The following CAMK2D variants were observed in gnomAD, a reference collection of about 807,000 sequenced individuals.
CAMK2D encodes the protein calcium/calmodulin dependent protein kinase II delta.
A neutral mutation model predicts 84.0 loss-of-function variants in CAMK2D; 37 were observed. That is an observed-to-expected ratio of 0.44 (90% confidence interval 0.34 to 0.58). The LOEUF (loss-of-function observed/expected upper bound fraction) is 0.58. Among genes scored for constraint, CAMK2D ranks in the 20% least tolerant of loss-of-function variants. CAMK2D has a pLI of 0.02. For missense variants in CAMK2D, 448 were observed against 652.5 expected (o/e 0.69, Z 3.41); for synonymous variants, 202 against 212.5 (o/e 0.95, Z 0.43).
intron 4 of CAMK2D, among the ~76,000 whole-genome samples, chr4:113,568,734 T>C (rs904046019): frequency 3.3e-5 from 5 of 152,204 alleles, no homozygotes; most frequent in Admixed American, 3.3e-4. Flanking sequence ...TGGCCAACAC[T>C]TGTTACTTTC....
intron 16 of CAMK2D, among the ~76,000 whole-genome samples, chr4:113,493,156 T>C (rs1313986454): frequency 1.3e-5 from 2 of 150,476 alleles, no homozygotes; most frequent in Non-Finnish European, 3.0e-5. Flanking sequence ...AAAGTGAATA[T>C]TGTTATGTGT....
At chr4:113,719,515 A>G (rs775358182) in intron 2 of CAMK2D, among the ~76,000 whole-genome samples, 25 of 152,242 alleles carry the variant, frequency 1.6e-4, no homozygotes, top group Non-Finnish European at 3.4e-4. Flanking sequence ...TTAAAAGCCA[A>G]TTAGATCTTT....
intron 2 of CAMK2D, among the ~76,000 whole-genome samples, chr4:113,714,269 C>T (rs570387059): frequency 6.6e-6 from 1 of 152,152 alleles, no homozygotes; most frequent in South Asian, 2.1e-4. Flanking sequence ...AGTATGTTTC[C>T]TTTTCCCTGT....
At chr4:113,716,353 C>T (rs890725932) in intron 2 of CAMK2D, among the ~76,000 whole-genome samples, 3 of 152,006 alleles carry the variant, frequency 2.0e-5, no homozygotes, top group Non-Finnish European at 2.9e-5. Flanking sequence ...GAATCTTGAA[C>T]AAATCACAAG....
chr4:113,578,628 T>C (rs2098794660), intron 4 of CAMK2D, among the ~76,000 whole-genome samples: 1 of 152,204 alleles, frequency 6.6e-6, no homozygotes, highest in Admixed American at 6.6e-5. Context: ...ATATGATATC[T>C]TAAACCAGAA....
At chr4:113,522,834 TCTGA>T (rs1308451615) in intron 8 of CAMK2D, among the ~76,000 whole-genome samples, 2 of 152,196 alleles carry the variant, frequency 1.3e-5, no homozygotes, top group African/African-American at 2.4e-5. Context: ...TGTCCGCATG[TCTGA>T]CTAAGACAGC....
intron 3 of CAMK2D, among the ~76,000 whole-genome samples, chr4:113,645,306 A>G (rs917561266): frequency 2.6e-5 from 4 of 152,160 alleles, no homozygotes; most frequent in Admixed American, 2.6e-4. Context: ...ATGAGCCACC[A>G]TGCCCGGCCT....
chr4:113,505,121 T>C, intron 13 of CAMK2D, 86 bp from the exon 14 acceptor site: 2 of 649,352 alleles, frequency 3.1e-6, no homozygotes, highest in Admixed American at 3.2e-5. Context: ...TACATAGAGA[T>C]GTAGACATGA....
intron 8 of CAMK2D, among the ~76,000 whole-genome samples, chr4:113,523,854 G>GTT (rs2098394646): frequency 6.6e-6 from 1 of 151,500 alleles, no homozygotes; most frequent in African/African-American, 2.4e-5. Flanking sequence ...TTTTTTTGTT[G>GTT]TTTTTTTGTT....
chr4:113,638,039 A>G (rs1265429617), intron 3 of CAMK2D, among the ~76,000 whole-genome samples: 1 of 152,144 alleles, frequency 6.6e-6, no homozygotes, highest in Non-Finnish European at 1.5e-5. Context: ...CTCATCTCTT[A>G]GTGCCTTCCA....
chr4:113,577,880 G>A (rs998273869), intron 4 of CAMK2D, among the ~76,000 whole-genome samples: 9 of 152,034 alleles, frequency 5.9e-5, no homozygotes, highest in African/African-American at 2.2e-4. Flanking sequence ...TGTCATGAAA[G>A]AGTGCACCTG....
At chr4:113,690,548 TTTATTA>T (rs1172538372) in intron 2 of CAMK2D, among the ~76,000 whole-genome samples, 2 of 152,136 alleles carry the variant, frequency 1.3e-5, no homozygotes, top group African/African-American at 2.4e-5. Context: ...AATTATACAT[TTTATTA>T]TTATTAAGAG....
chr4:113,587,451 G>A (rs2098839146), intron 4 of CAMK2D, among the ~76,000 whole-genome samples: 1 of 152,166 alleles, frequency 6.6e-6, no homozygotes, highest in African/African-American at 2.4e-5. Context: ...TTTTTCAGCA[G>A]AGACAACATC....
At chr4:113,576,473 A>G (rs188210483) in intron 4 of CAMK2D, among the ~76,000 whole-genome samples, 211 of 152,282 alleles carry the variant, frequency 1.4e-3, no homozygotes, top group African/African-American at 5.1e-3. Context: ...AATCATCAAT[A>G]TTAGAAGATC....
chr4:113,703,208 C>G (rs140965105), intron 2 of CAMK2D, among the ~76,000 whole-genome samples: 1 of 151,954 alleles, frequency 6.6e-6, no homozygotes, highest in African/African-American at 2.4e-5. Context: ...CTCAAGTAGT[C>G]GAGGGTTCAG....
chr4:113,586,260 T>A (rs992000028), intron 4 of CAMK2D, among the ~76,000 whole-genome samples: 1 of 152,172 alleles, frequency 6.6e-6, no homozygotes. Context: ...ATAACACTTG[T>A]TGCTGTAAGA....
intron 4 of CAMK2D, among the ~76,000 whole-genome samples, chr4:113,599,640 A>C (rs938269979): frequency 6.6e-6 from 1 of 152,122 alleles, no homozygotes; most frequent in South Asian, 2.1e-4. Flanking sequence ...ATTCCCCACA[A>C]ATTTAACTAC....
chr4:113,609,003 CTT>C (rs2098988714), intron 4 of CAMK2D, 147 bp downstream of exon 4: 1 of 543,320 alleles, frequency 1.8e-6, no homozygotes, highest in Non-Finnish European at 3.4e-6. Context: ...GTAGTATCCT[CTT>C]TTCAAAAGAA....
chr4:113,684,795 C>T lies in CAMK2D; in HGVS notation c.161-23023G>A, dbSNP rs2099354956. Among the ~76,000 whole-genome samples, 3 of 152,194 alleles carry T rather than the reference C, an allele frequency of 2.0e-5. No homozygotes were observed. The South Asian group carries it at 6.2e-4, about 31-fold the overall frequency. ...GAAATAACATTCAGGCCTCAAAGTGCTATACTGTCATTACTTCTAAAAATA... is the reference window on the plus strand; with the variant it reads ...GAAATAACATTCAGGCCTCAAAGTGTTATACTGTCATTACTTCTAAAAATA... On this transcript the variant is annotated intron_variant, in intron 2 of 20. Transcript: ENST00000511664.
Sources: allele counts gnomAD v4.1 joint callset (sites outside exome capture counted in the v4.1 genomes callset), GRCh38; gene constraint gnomAD v4.1.1; transcripts MANE v1.5; gene names NCBI Gene and HGNC (gene_info 2026-07-23, HGNC 2026-07-21).